Variants in FIGN observed in about 807,000 individuals in gnomAD.
The protein encoded by FIGN is fidgetin, microtubule severing factor.
A neutral mutation model predicts 51.3 loss-of-function variants in FIGN; 11 were observed. That is an observed-to-expected ratio of 0.21 (90% CI 0.13 to 0.35). The LOEUF (loss-of-function observed/expected upper bound fraction) is 0.35. Ranked by LOEUF, FIGN falls within the 10% of genes least tolerant of loss-of-function variation. The probability of loss-of-function intolerance (pLI) is 1.00; values close to 1 mark genes in which losing one functional copy is unlikely to be tolerated. For missense variants in FIGN, 857 were observed against 943.6 expected (o/e 0.91, Z 1.20); for synonymous variants, 407 against 363.2 (o/e 1.12, Z -1.37).
At chr2:163,704,049 C>T (rs1388925200) in intron 2 of FIGN, among the ~76,000 whole-genome samples, 2 of 152,008 alleles carry the variant, frequency 1.3e-5, no homozygotes, top group African/African-American at 4.8e-5. Context: ...AAAAAAAAGT[C>T]TGTGTTCCAT....
intron 2 of FIGN, among the ~76,000 whole-genome samples, chr2:163,621,840 A>T (rs1047955670): frequency 5.9e-5 from 9 of 152,264 alleles, no homozygotes; most frequent in Admixed American, 2.6e-4. Flanking sequence ...TCTTCAAAGG[A>T]AGTGGCATTT....
At chr2:163,695,828 C>A (rs1259925937) in intron 2 of FIGN, among the ~76,000 whole-genome samples, 8 of 152,210 alleles carry the variant, frequency 5.3e-5, no homozygotes, top group African/African-American at 1.4e-4. Context: ...AATAGCACGG[C>A]CAGGCACATT....
intron 2 of FIGN, among the ~76,000 whole-genome samples, chr2:163,647,121 T>C (rs1444944271): frequency 2.0e-5 from 3 of 152,250 alleles, no homozygotes; most frequent in Non-Finnish European, 2.9e-5. Context: ...AAAGGCTCTC[T>C]CTGTTTTGGG....
chr2:163,728,414 A>G (rs1310111677), intron 2 of FIGN, among the ~76,000 whole-genome samples: 1 of 151,576 alleles, frequency 6.6e-6, no homozygotes, highest in East Asian at 1.9e-4. Context: ...ACACACACAC[A>G]CACACACACA....
At chr2:163,630,037 G>A (rs887971783) in intron 2 of FIGN, among the ~76,000 whole-genome samples, 7 of 133,688 alleles carry the variant, frequency 5.2e-5, no homozygotes, top group African/African-American at 8.5e-5. Context: ...CTTGGCTCAC[G>A]GCAACCTCAA....
intron 2 of FIGN, among the ~76,000 whole-genome samples, chr2:163,637,926 A>G (rs1039610059): frequency 1.3e-5 from 2 of 152,142 alleles, no homozygotes; most frequent in African/African-American, 4.8e-5. Context: ...AGCAGAAAGC[A>G]CGGTGCCTCT....
At chr2:163,632,019 G>A (rs187411789) in intron 2 of FIGN, among the ~76,000 whole-genome samples, 67 of 152,176 alleles carry the variant, frequency 4.4e-4, no homozygotes, top group African/African-American at 1.4e-3. Context: ...ATAGTGGCGC[G>A]TGCCTGTAAT....
At chr2:163,671,956 A>T (rs181927771) in intron 2 of FIGN, among the ~76,000 whole-genome samples, 1 of 152,248 alleles carries the variant, frequency 6.6e-6, no homozygotes, top group African/African-American at 2.4e-5. Flanking sequence ...TAATATAATC[A>T]ATATATTATT....
chr2:163,629,074 A>T (rs1272225072), intron 2 of FIGN, among the ~76,000 whole-genome samples: 1 of 152,200 alleles, frequency 6.6e-6, no homozygotes, highest in Non-Finnish European at 1.5e-5. Flanking sequence ...AGTCTTAAGC[A>T]TATGGGAATC....
chr2:163,709,083 A>G (rs1222440960), intron 2 of FIGN, among the ~76,000 whole-genome samples: 1 of 152,142 alleles, frequency 6.6e-6, no homozygotes, highest in Non-Finnish European at 1.5e-5. Context: ...CTGATGCCAT[A>G]ATGAGGACTC....
intron 2 of FIGN, among the ~76,000 whole-genome samples, chr2:163,639,001 A>G (rs1355584704): frequency 6.6e-6 from 1 of 152,206 alleles, no homozygotes; most frequent in Non-Finnish European, 1.5e-5. Flanking sequence ...TACAGATCTC[A>G]GAAAGTATAG....
chr2:163,702,829 T>A (rs546204658), intron 2 of FIGN, among the ~76,000 whole-genome samples: 1 of 152,206 alleles, frequency 6.6e-6, no homozygotes, highest in African/African-American at 2.4e-5. Context: ...AAACCTATAT[T>A]TCATGACAAG....
In FIGN at chr2:163,735,822, A is replaced by G. The variant is rs1685005991; in HGVS notation, c.-146+16T>C. On this transcript the variant is annotated intron_variant, in intron 1 of 2. Transcript: ENST00000333129. ...AAATTTAAACAGATGGTAGAAAACT[A>G]CGAAGCTCCTCTTACCTGAACGCGC... The G allele has an allele frequency of 6.5e-6, 1 of 152,676 alleles. No homozygotes were observed. Among genetic ancestry groups the G allele is most frequent in the African/African-American group, 2.4e-5 (1 of 41,440 alleles). The allele number at this position is 152,676 out of a possible 1,614,324, so 9.5% of individuals were successfully genotyped here. A position where few individuals can be genotyped will look rare whatever the true frequency, so the allele number is the denominator to read the frequency against.
intron 2 of FIGN, among the ~76,000 whole-genome samples, chr2:163,693,301 A>G (rs140974005): frequency 2.6e-5 from 4 of 152,100 alleles, no homozygotes; most frequent in Non-Finnish European, 5.9e-5. Flanking sequence ...GATAGCTAAA[A>G]CGACCAGAGG....
chr2:163,717,556 A>C (rs1212955438), intron 2 of FIGN, among the ~76,000 whole-genome samples: 4 of 152,072 alleles, frequency 2.6e-5, no homozygotes, highest in African/African-American at 9.7e-5. Context: ...AACACCTCTG[A>C]GGGCTTTCAG....
intron 2 of FIGN, among the ~76,000 whole-genome samples, chr2:163,623,796 G>C (rs1358241345): frequency 1.3e-5 from 2 of 151,920 alleles, no homozygotes; most frequent in African/African-American, 2.4e-5. Context: ...TGTGCCCTCT[G>C]TTTATTTAGT....
chr2:163,724,518 T>C (rs527279294), intron 2 of FIGN, among the ~76,000 whole-genome samples: 1 of 152,106 alleles, frequency 6.6e-6, no homozygotes, highest in East Asian at 1.9e-4. Context: ...TTATTATTTA[T>C]TTATTTATTT....
chr2:163,652,420 C>G (rs542893108), intron 2 of FIGN, among the ~76,000 whole-genome samples: 1 of 149,134 alleles, frequency 6.7e-6, no homozygotes, highest in Non-Finnish European at 1.5e-5. Context: ...AAGAATCAAT[C>G]TAGAAAATTA....
intron 2 of FIGN, among the ~76,000 whole-genome samples, chr2:163,670,763 G>T (rs1322222580): frequency 6.6e-6 from 1 of 152,138 alleles, no homozygotes; most frequent in Non-Finnish European, 1.5e-5. Flanking sequence ...TGTAATGAAT[G>T]AAGTATTCTC....
Sources: gnomAD v4.1 joint callset for allele counts (sites outside exome capture counted in the v4.1 genomes callset) on GRCh38, gnomAD v4.1.1 for gene constraint, MANE v1.5 for transcripts, NCBI Gene and HGNC (gene_info 2026-07-23, HGNC 2026-07-21) for gene names.